The following ERI1 variants were observed in gnomAD, a reference collection of about 807,000 sequenced individuals.
ERI1 encodes 3'-5' exoribonuclease 1.
Under a neutral mutation model 39.7 loss-of-function variants are expected in ERI1, and 39 were observed. That is an observed-to-expected ratio of 0.98 (90% CI 0.76 to 1.28). The LOEUF (loss-of-function observed/expected upper bound fraction) is 1.28, where lower values mean the gene tolerates loss of function less well. Among genes scored for constraint, ERI1 ranks in the 50% most tolerant of loss-of-function variants. The probability of loss-of-function intolerance (pLI) is 0.00; values close to 1 mark genes in which losing one functional copy is unlikely to be tolerated. For synonymous variants in ERI1, 204 were observed against 149.6 expected (o/e 1.36, Z -2.65); for missense variants, 581 against 416.9 (o/e 1.39, Z -3.43).
intron 6 of ERI1, among the ~76,000 whole-genome samples, chr8:9,022,652 G>T (rs1034276407): frequency 1.3e-5 from 2 of 152,100 alleles, no homozygotes; most frequent in Admixed American, 6.6e-5. Flanking sequence ...TGCCCGCCTC[G>T]GCCTCCCAAA....
intron 3 of ERI1, among the ~76,000 whole-genome samples, chr8:9,084,934 TG>T (rs1799478993): frequency 6.6e-6 from 1 of 152,222 alleles, no homozygotes. Context: ...TATGGGTTTA[TG>T]GGACCACCTT....
intron 3 of ERI1, chr8:9,062,876 T>C (rs1798751918): frequency 1.3e-5 from 2 of 152,064 alleles, no homozygotes. Flanking sequence ...CTTGGCCCAG[T>C]GGCCAGATTT....
chr8:9,021,783 T>G (rs75144814), intron 6 of ERI1, among the ~76,000 whole-genome samples: 25 of 135,142 alleles, frequency 1.8e-4, no homozygotes, highest in Non-Finnish European at 3.5e-4. Flanking sequence ...TGTTTTTTTT[T>G]TTTTTTCAAT....
chr8:9,076,049 C>T (rs2979270), intron 3 of ERI1, among the ~76,000 whole-genome samples: 13,076 of 152,156 alleles, frequency 0.086, 749 homozygotes, highest in East Asian at 0.19. Flanking sequence ...GATCCTCCTG[C>T]CTCAGCCTCC....
intron 3 of ERI1, among the ~76,000 whole-genome samples, chr8:9,039,637 G>A (rs576651163): frequency 3.3e-5 from 5 of 152,268 alleles, no homozygotes; most frequent in East Asian, 1.9e-4. Context: ...AGGTGTGTAC[G>A]TATATTGAAC....
intron 3 of ERI1, among the ~76,000 whole-genome samples, chr8:9,060,354 GT>G (rs1202692041): frequency 6.6e-6 from 1 of 151,954 alleles, no homozygotes; most frequent in East Asian, 1.9e-4. Flanking sequence ...AGATATTTTA[GT>G]TTTCTGACTT....
At chr8:9,004,748 A>G (rs1269864391) in intron 1 of ERI1, among the ~76,000 whole-genome samples, 1 of 67,810 alleles carries the variant, frequency 1.5e-5, no homozygotes, top group Non-Finnish European at 2.9e-5. Context: ...GTGCAATGGC[A>G]TGGTCTCAGC....
rs116895621 is a variant in ERI1, at chr8:9,009,106, C to T, written c.287+958C>T. On this transcript the variant is annotated intron_variant, in intron 2 of 6. Transcript: ENST00000250263. ...CCCAGGTGTGAAGATCAGTTGCTTA[C>T]TCCTGGCTTGCGTGGGAGCTAGCGA... The T allele has an allele frequency of 6.9e-4, 315 of 456,038 alleles. No homozygotes were observed. The East Asian group carries it at 0.017, about 25-fold the overall frequency. 28.2% of individuals were successfully genotyped at this position (456,038 alleles called of 1,614,324 possible).
At chr8:9,004,827 A>G (rs1290158131) in intron 1 of ERI1, among the ~76,000 whole-genome samples, 2 of 151,816 alleles carry the variant, frequency 1.3e-5, no homozygotes, top group South Asian at 2.1e-4. Flanking sequence ...AGCTGGGATT[A>G]CAGGAACCCA....
chr8:9,049,791 A>C (rs1286578560), intron 3 of ERI1: 1 of 152,100 alleles, frequency 6.6e-6, no homozygotes, highest in Non-Finnish European at 1.5e-5. Context: ...GCCGGATGGG[A>C]TTTCTGCATC....
Position 9,032,108 on chromosome 8 carries a change from G to C in ERI1, c.*2074G>C, listed in dbSNP as rs1488116100. On this transcript the variant is annotated 3_prime_UTR_variant, in exon 7 of 7. Coordinates refer to ENST00000250263, the MANE Select transcript of ERI1 (RefSeq NM_153332.4). ...GAGTCTCTGTCCTCCCCTCCAATTT[G>C]ATTTGGGATTTTGCTGATGAGATGA... 1 of 152,104 alleles carries C rather than the reference G, an allele frequency of 6.6e-6. No individual in the cohort carries two copies. Among genetic ancestry groups the C allele is most frequent in the African/African-American group, 2.4e-5 (1 of 41,404 alleles). 9.4% of individuals were successfully genotyped at this position (152,104 alleles called of 1,614,324 possible). A position where few individuals can be genotyped will look rare whatever the true frequency, so the allele number is the denominator to read the frequency against.
Position 9,008,057 on chromosome 8 carries a change from T to A in ERI1, c.196T>A (p.Tyr66Asn). The A allele has an allele frequency of 6.2e-7, 1 of 1,608,368 alleles. No homozygotes were observed. The highest frequency in any genetic ancestry group is 8.5e-7 in the Non-Finnish European group (1 of 1,178,678). Residue 66 changes from tyrosine (Y) to asparagine (N), a missense_variant, in exon 2 of 7, where the codon TAC (tyrosine) becomes AAC (asparagine). Tyr to Asn is a moderately radical substitution (Grantham distance 143). Coordinates refer to ENST00000250263, the MANE Select transcript of ERI1 (RefSeq NM_153332.4). The stretch of plus-strand genomic sequence containing the variant: ...TGCGAGTGACTTCAGTGACCCGGTT[T>A]ACAAAGAGATTGCCATTACGAATGG... ...SSASDFSDPV[Y>N]KEIAITNGCI...
chr8:9,025,107 T>C (rs1294526728), intron 6 of ERI1, among the ~76,000 whole-genome samples: 4 of 152,162 alleles, frequency 2.6e-5, no homozygotes, highest in Non-Finnish European at 5.9e-5. Flanking sequence ...AGCTCTTTTC[T>C]TGAAGTCAGA....
chr8:9,082,514 T>G (rs1290512519), intron 3 of ERI1, among the ~76,000 whole-genome samples: 3 of 152,190 alleles, frequency 2.0e-5, no homozygotes, highest in African/African-American at 4.8e-5. Flanking sequence ...TTCCTTTGTT[T>G]CCTTTGAAGT....
At chr8:9,046,257 T>C (rs2117359624) in intron 3 of ERI1, among the ~76,000 whole-genome samples, 1 of 152,328 alleles carries the variant, frequency 6.6e-6, no homozygotes, top group African/African-American at 2.4e-5. Flanking sequence ...AGCATATCTC[T>C]TGAGTGGCAG....
intron 2 of ERI1, 101 bp downstream of exon 2, chr8:9,008,249 A>G: frequency 9.6e-7 from 1 of 1,040,818 alleles, no homozygotes; most frequent in Non-Finnish European, 1.4e-6. Flanking sequence ...ATCCTACCGT[A>G]ATGACATGAT....
At chr8:9,040,860 G>A (rs1388909915) in intron 3 of ERI1, among the ~76,000 whole-genome samples, 4 of 152,176 alleles carry the variant, frequency 2.6e-5, no homozygotes, top group Admixed American at 6.5e-5. Context: ...TTGTCAAGAA[G>A]CCTCTCCATC....
intron 6 of ERI1, among the ~76,000 whole-genome samples, chr8:9,025,648 T>C (rs1818391943): frequency 6.6e-6 from 1 of 152,090 alleles, no homozygotes; most frequent in African/African-American, 2.4e-5. Flanking sequence ...TTTAATAAAG[T>C]TAATAACTCT....
chr8:9,006,444 A>G (rs1816029230), intron 1 of ERI1, among the ~76,000 whole-genome samples: 1 of 152,256 alleles, frequency 6.6e-6, no homozygotes, highest in Non-Finnish European at 1.5e-5. Flanking sequence ...TTATCCAAAG[A>G]GAAAATCTGC....
Sources: allele counts gnomAD v4.1 joint callset (sites outside exome capture counted in the v4.1 genomes callset), GRCh38; gene constraint gnomAD v4.1.1; transcripts MANE v1.5; gene names NCBI Gene and HGNC (gene_info 2026-07-23, HGNC 2026-07-21).